The following SLIT2 variants were observed in gnomAD, a reference collection of about 807,000 sequenced individuals.
The protein encoded by SLIT2 is slit guidance ligand 2, also known as slit homolog 2 protein.
In SLIT2, 41 loss-of-function variants were observed where a neutral mutation model predicts 185.7. The ratio of observed to expected loss-of-function variants is 0.22; its 90% CI spans 0.17 to 0.29. The LOEUF (loss-of-function observed/expected upper bound fraction) is 0.29, where lower values mean the gene tolerates loss of function less well. Ranked by LOEUF, SLIT2 falls within the 10% of genes least tolerant of loss-of-function variation. The pLI, the probability that SLIT2 is intolerant of heterozygous loss-of-function variation, is 1.00. For missense variants in SLIT2, 1,571 were observed against 1,909.0 expected, an observed-to-expected ratio of 0.82 and a Z score of 3.30; for synonymous variants, 693 against 680.2, an observed-to-expected ratio of 1.02 and a Z score of -0.29.
chr4:20,331,681 T>C (rs1311006096), intron 4 of SLIT2, among the ~76,000 whole-genome samples: 1 of 152,080 alleles, frequency 6.6e-6, no homozygotes, highest in African/African-American at 2.4e-5. Flanking sequence ...AGTATGTAAC[T>C]CGGTGGTTTT....
chr4:20,467,737 T>C lies in SLIT2; in HGVS notation c.396-15T>C. Reference sequence around the variant, plus strand: ...TATTTTCTAACGTGATCCTTTTTGTTGTTGTTGTTTTTAGTGATCTCAGTG... The same window carrying C: ...TATTTTCTAACGTGATCCTTTTTGTCGTTGTTGTTTTTAGTGATCTCAGTG... On this transcript the variant is annotated splice_polypyrimidine_tract_variant and intron_variant, in intron 4 of 36. Coordinates refer to ENST00000504154, the MANE Select transcript of SLIT2 (RefSeq NM_004787.4). 1 of 1,523,190 alleles carries C rather than the reference T, an allele frequency of 6.6e-7. No individual in the cohort carries two copies. The highest frequency in any genetic ancestry group is 9.0e-7 in the Non-Finnish European group (1 of 1,105,682). 94.4% of individuals were successfully genotyped at this position (1,523,190 alleles called of 1,614,324 possible). A position where few individuals can be genotyped will look rare whatever the true frequency, so the allele number is the denominator to read the frequency against.
intron 18 of SLIT2, among the ~76,000 whole-genome samples, chr4:20,537,675 C>G (rs780943722): frequency 6.6e-6 from 1 of 152,074 alleles, no homozygotes; most frequent in Non-Finnish European, 1.5e-5. Flanking sequence ...TTTCAACAAG[C>G]GTCATAGAGC....
intron 4 of SLIT2, among the ~76,000 whole-genome samples, chr4:20,392,456 A>C (rs73238781): frequency 6.6e-6 from 1 of 152,192 alleles, no homozygotes; most frequent in Non-Finnish European, 1.5e-5. Context: ...ATTACTGTAC[A>C]CTGCTGTAGA....
intron 4 of SLIT2, among the ~76,000 whole-genome samples, chr4:20,311,512 A>AGATT (rs1718105452): frequency 6.6e-6 from 1 of 152,204 alleles, no homozygotes; most frequent in Non-Finnish European, 1.5e-5. Flanking sequence ...TATTTAATAT[A>AGATT]GATTGTTATG....
chr4:20,520,161 C>A (rs956122873), intron 12 of SLIT2, among the ~76,000 whole-genome samples: 3 of 151,368 alleles, frequency 2.0e-5, no homozygotes, highest in Admixed American at 6.6e-5. Context: ...CTGTAACACA[C>A]AATAGTCCTC....
intron 4 of SLIT2, among the ~76,000 whole-genome samples, chr4:20,396,325 A>G (rs1725886171): frequency 6.6e-6 from 1 of 152,014 alleles, no homozygotes; most frequent in East Asian, 1.9e-4. Flanking sequence ...ACAAATGAAA[A>G]TAAAGAAGAT....
chr4:20,460,906 A>C (rs990517177), intron 4 of SLIT2, among the ~76,000 whole-genome samples: 15 of 152,378 alleles, frequency 9.8e-5, no homozygotes, highest in Middle Eastern at 3.4e-3. Flanking sequence ...GGGACTCCCC[A>C]ATAATGAAAA....
chr4:20,404,168 A>G (rs969241341), intron 4 of SLIT2, among the ~76,000 whole-genome samples: 1 of 151,974 alleles, frequency 6.6e-6, no homozygotes, highest in African/African-American at 2.4e-5. Flanking sequence ...ATGAAGTCTG[A>G]TGATACATTT....
At chr4:20,481,679 T>C (rs1716715738) in intron 6 of SLIT2, among the ~76,000 whole-genome samples, 1 of 151,984 alleles carries the variant, frequency 6.6e-6, no homozygotes, top group African/African-American at 2.4e-5. Flanking sequence ...AAATCCTTCC[T>C]TTTCCCCACA....
intron 4 of SLIT2, among the ~76,000 whole-genome samples, chr4:20,465,935 G>C (rs892809706): frequency 6.7e-6 from 1 of 148,258 alleles, no homozygotes; most frequent in Non-Finnish European, 1.5e-5. Flanking sequence ...CACCTCTGCC[G>C]TTTTTATTCA....
At position 20,300,157 on chromosome 4, in the gene SLIT2, A is replaced by G. The variant is rs1438732566; in HGVS notation, c.395+31276A>G. ...AAATTTATAAAATAATTAAAATCAC[A>G]TGACTCTATTATATGACTTTTTTAA... On this transcript the variant is annotated intron_variant, in intron 4 of 36. Coordinates refer to ENST00000504154, the MANE Select transcript of SLIT2 (RefSeq NM_004787.4). 2.6e-4 allele frequency among the ~76,000 whole-genome samples: 40 copies of G among 152,154 alleles called. 1 individual carries two copies. The highest frequency in any genetic ancestry group is 2.6e-3 in the Admixed American group (40 of 15,264).
At chr4:20,258,959 A>G (rs1013114425) in intron 3 of SLIT2, among the ~76,000 whole-genome samples, 14 of 151,800 alleles carry the variant, frequency 9.2e-5, no homozygotes, top group Admixed American at 2.0e-4. Context: ...GTAATTGTCC[A>G]TAAGTAGAAA....
At chr4:20,315,801 A>G (rs1482852012) in intron 4 of SLIT2, among the ~76,000 whole-genome samples, 1 of 152,062 alleles carries the variant, frequency 6.6e-6, no homozygotes, top group Non-Finnish European at 1.5e-5. Context: ...CATTAATTGA[A>G]ATATATTGAG....
chr4:20,594,344 G>C (rs1486132916), intron 30 of SLIT2, among the ~76,000 whole-genome samples: 1 of 151,464 alleles, frequency 6.6e-6, no homozygotes, highest in Non-Finnish European at 1.5e-5. Context: ...TAGCTCTGCA[G>C]AATTCAGGCT....
intron 19 of SLIT2, among the ~76,000 whole-genome samples, 188 bp from the exon 20 acceptor site, chr4:20,541,265 A>G (rs180681801): frequency 1.2e-4 from 19 of 152,020 alleles, no homozygotes; most frequent in Non-Finnish European, 2.1e-4. Context: ...TCCAAGCATA[A>G]ATATTTTATC....
At chr4:20,286,911 G>T (rs1013482767) in intron 4 of SLIT2, among the ~76,000 whole-genome samples, 6 of 152,194 alleles carry the variant, frequency 3.9e-5, no homozygotes, top group East Asian at 1.9e-4. Flanking sequence ...ACACTCAAAG[G>T]TACTCTGATA....
intron 9 of SLIT2, among the ~76,000 whole-genome samples, chr4:20,505,836 T>A (rs1471770426): frequency 6.6e-6 from 1 of 152,074 alleles, no homozygotes; most frequent in Admixed American, 6.6e-5. Flanking sequence ...TGTTGGTAGT[T>A]CATTCTTTAA....
intron 9 of SLIT2, among the ~76,000 whole-genome samples, chr4:20,504,863 T>C (rs1719057948): frequency 6.6e-6 from 1 of 152,122 alleles, no homozygotes; most frequent in Non-Finnish European, 1.5e-5. Context: ...CACATTCACA[T>C]AACATTTATT....
intron 33 of SLIT2, 24 bp downstream of exon 33, chr4:20,598,419 A>G: frequency 6.2e-7 from 1 of 1,613,340 alleles, no homozygotes; most frequent in Non-Finnish European, 8.5e-7. Context: ...AGTTACGGGT[A>G]AAGGTGAAAA....
Sources: allele counts gnomAD v4.1 joint callset (sites outside exome capture counted in the v4.1 genomes callset), GRCh38; gene constraint gnomAD v4.1.1; transcripts MANE v1.5; gene names NCBI Gene and HGNC (gene_info 2026-07-23, HGNC 2026-07-21).